Variants in FGF10 observed in about 807,000 individuals in gnomAD.
The protein encoded by FGF10 is FGF-10.
A neutral mutation model predicts 19.8 loss-of-function variants in FGF10; 2 were observed. The ratio of observed to expected loss-of-function variants is 0.10; its 90% CI spans 0.04 to 0.32. FGF10 has a LOEUF of 0.32. Ranked by LOEUF, FGF10 falls within the 10% of genes least tolerant of loss-of-function variation. The probability of loss-of-function intolerance (pLI) is 1.00; values close to 1 mark genes in which losing one functional copy is unlikely to be tolerated. For synonymous variants in FGF10, 112 were observed against 94.0 expected, an observed-to-expected ratio of 1.19 and a Z score of -1.10; for missense variants, 191 against 246.3, an observed-to-expected ratio of 0.78 and a Z score of 1.50.
chr5:44,352,365 A>T (rs1314106721), intron 1 of FGF10, among the ~76,000 whole-genome samples: 2 of 151,592 alleles, frequency 1.3e-5, no homozygotes, highest in African/African-American at 4.8e-5. Context: ...AGGGGACACC[A>T]ATACAGAGGT....
rs200465781 is a variant in FGF10 at position 44,305,215 on chromosome 5, T to G, written c.430-23A>C. 2.5e-6 allele frequency: 4 copies of G among 1,597,396 alleles called. No individual in the cohort carries two copies. In the Middle Eastern group the frequency reaches 5.0e-4, roughly 198 times the overall value. On this transcript the variant is annotated intron_variant, in intron 2 of 2. Transcript: ENST00000264664. ...TTTCTGCAAAGGAAAAACAGAATCT[T>G]TTATTCCTATGGTGATTGTACTTGA...
chr5:44,340,517 CA>C (rs1388724575), intron 1 of FGF10, among the ~76,000 whole-genome samples: 1 of 151,988 alleles, frequency 6.6e-6, no homozygotes, highest in Non-Finnish European at 1.5e-5. Context: ...AATAATAGGA[CA>C]CAGATAAATG....
At chr5:44,325,283 G>T (rs1257991016) in intron 1 of FGF10, among the ~76,000 whole-genome samples, 1 of 152,024 alleles carries the variant, frequency 6.6e-6, no homozygotes, top group African/African-American at 2.4e-5. Flanking sequence ...TTACACTGTT[G>T]GTGGGACTGT....
chr5:44,329,464 C>T (rs1319619529), intron 1 of FGF10, among the ~76,000 whole-genome samples: 5 of 152,086 alleles, frequency 3.3e-5, no homozygotes, highest in East Asian at 3.9e-4. Flanking sequence ...TGTGAGCCAC[C>T]GTGCCTGGCC....
At chr5:44,314,755 G>C (rs1448849568) in intron 1 of FGF10, among the ~76,000 whole-genome samples, 3 of 152,174 alleles carry the variant, frequency 2.0e-5, no homozygotes, top group African/African-American at 7.2e-5. Flanking sequence ...CAGAAGAGGA[G>C]CATCTGACCT....
chr5:44,363,300 A>G (rs1173195715), intron 1 of FGF10, among the ~76,000 whole-genome samples: 2 of 151,832 alleles, frequency 1.3e-5, no homozygotes, highest in African/African-American at 4.8e-5. Flanking sequence ...AAACACAATC[A>G]TTTTTAATGG....
At chr5:44,359,299 T>G (rs1741422652) in intron 1 of FGF10, among the ~76,000 whole-genome samples, 1 of 151,530 alleles carries the variant, frequency 6.6e-6, no homozygotes, top group African/African-American at 2.4e-5. Context: ...GGGAATGGGA[T>G]AGCATTGCAA....
chr5:44,333,475 A>G (rs1740782286), intron 1 of FGF10, among the ~76,000 whole-genome samples: 2 of 152,158 alleles, frequency 1.3e-5, no homozygotes, highest in Non-Finnish European at 2.9e-5. Context: ...GTATAACAAA[A>G]TTTATAGAAG....
chr5:44,388,095 C>A (rs1742145455), intron 1 of FGF10, among the ~76,000 whole-genome samples: 2 of 143,724 alleles, frequency 1.4e-5, no homozygotes, highest in South Asian at 4.3e-4. Flanking sequence ...CGTGGTCCGG[C>A]TAGTGACAGG....
At chr5:44,376,768 G>A (rs1043051372) in intron 1 of FGF10, among the ~76,000 whole-genome samples, 3 of 151,110 alleles carry the variant, frequency 2.0e-5, no homozygotes, top group African/African-American at 7.3e-5. Context: ...TTTTTCTTTT[G>A]ATTAAGCTAC....
intron 1 of FGF10, among the ~76,000 whole-genome samples, chr5:44,354,313 T>G (rs1435398828): frequency 6.6e-6 from 1 of 151,488 alleles, no homozygotes; most frequent in Non-Finnish European, 1.5e-5. Context: ...TTAATGGCAT[T>G]TCTCACATGG....
rs1740002731 is a variant in FGF10, at chr5:44,303,349, T to A, written c.*1646A>T. The stretch of plus-strand genomic sequence containing the variant: ...ACGCCAGCATTTCCAAAGGTTAAAC[T>A]TTAGTAAGACACATTTAGTGAGTCT... On this transcript the variant is annotated 3_prime_UTR_variant, in exon 3 of 3. Transcript: ENST00000264664. Among the ~76,000 whole-genome samples, 1 of 152,210 alleles carries A rather than the reference T, an allele frequency of 6.6e-6. No homozygotes were observed. The highest frequency in any genetic ancestry group is 2.4e-5 in the African/African-American group (1 of 41,460).
Position 44,388,706 on chromosome 5 carries a change from A to G in FGF10, c.-24T>C. 4.3e-6 allele frequency: 7 copies of G among 1,612,494 alleles called. No homozygotes were observed. Among genetic ancestry groups the G allele is most frequent in the Non-Finnish European group, 5.9e-6 (7 of 1,178,646 alleles). Reference sequence around the variant, plus strand: ...ATTGTACTGAAACTCTCGGCACTGGAAATTGTCTCATCAGAAGGAACATAC... The same window carrying G: ...ATTGTACTGAAACTCTCGGCACTGGGAATTGTCTCATCAGAAGGAACATAC... On this transcript the variant is annotated 5_prime_UTR_variant, in exon 1 of 3. Coordinates refer to ENST00000264664, the MANE Select transcript of FGF10 (RefSeq NM_004465.2).
chr5:44,363,425 A>G (rs1373619000), intron 1 of FGF10, among the ~76,000 whole-genome samples: 3 of 151,882 alleles, frequency 2.0e-5, no homozygotes, highest in African/African-American at 4.8e-5. Flanking sequence ...CTCAGCCATT[A>G]GGCATTCTTG....
chr5:44,310,587 A>G (rs1579894291), intron 1 of FGF10, 57 bp from the exon 2 acceptor site: 4 of 1,288,846 alleles, frequency 3.1e-6, no homozygotes, highest in East Asian at 4.9e-5. Context: ...TTTGGAAGAA[A>G]AGTAAAATCA....
At chr5:44,372,565 T>G (rs1256901782) in intron 1 of FGF10, among the ~76,000 whole-genome samples, 1 of 152,154 alleles carries the variant, frequency 6.6e-6, no homozygotes, top group African/African-American at 2.4e-5. Flanking sequence ...GCCCAAAATC[T>G]CATTTAAGTA....
chr5:44,384,290 G>C (rs1742051155), intron 1 of FGF10, among the ~76,000 whole-genome samples: 1 of 152,094 alleles, frequency 6.6e-6, no homozygotes, highest in Non-Finnish European at 1.5e-5. Flanking sequence ...TGAGATTGAT[G>C]TATGTGTATT....
intron 1 of FGF10, among the ~76,000 whole-genome samples, chr5:44,325,509 G>A (rs1740593629): frequency 6.6e-6 from 1 of 152,052 alleles, no homozygotes. Flanking sequence ...TGATAGACTG[G>A]ATTAAAAAAA....
At chr5:44,363,552 T>A (rs960525421) in intron 1 of FGF10, among the ~76,000 whole-genome samples, 4 of 151,846 alleles carry the variant, frequency 2.6e-5, no homozygotes, top group Admixed American at 2.0e-4. Context: ...AAACTTCCCA[T>A]GAAATGTCTT....
Sources: allele counts gnomAD v4.1 joint callset (sites outside exome capture counted in the v4.1 genomes callset), GRCh38; gene constraint gnomAD v4.1.1; transcripts MANE v1.5; gene names NCBI Gene and HGNC (gene_info 2026-07-23, HGNC 2026-07-21).